HMGA2: variants seen among roughly 807,000 people sequenced by gnomAD.
The protein encoded by HMGA2 is high mobility group AT-hook 2, also known as high mobility group protein HMGI-C.
Under a neutral mutation model 19.1 loss-of-function variants are expected in HMGA2, and 8 were observed. The observed-to-expected ratio is 0.42, with a 90% CI of 0.25 to 0.76. The LOEUF (loss-of-function observed/expected upper bound fraction) is 0.76, where lower values mean the gene tolerates loss of function less well. HMGA2 is among the 30% of genes least tolerant of loss of function. HMGA2 has a pLI of 0.28. For missense variants in HMGA2, 109 were observed against 136.3 expected, an observed-to-expected ratio of 0.80 and a Z score of 1.00; for synonymous variants, 60 against 48.8, an observed-to-expected ratio of 1.23 and a Z score of -0.96.
chr12:65,926,234 T>C (rs1335033363), intron 3 of HMGA2, among the ~76,000 whole-genome samples: 2 of 152,304 alleles, frequency 1.3e-5, no homozygotes, highest in East Asian at 3.9e-4. Context: ...AGTGGAGTCT[T>C]GTGGTTGAGC....
chr12:65,929,157 C>T (rs1252854465), intron 3 of HMGA2, among the ~76,000 whole-genome samples: 1 of 152,060 alleles, frequency 6.6e-6, no homozygotes, highest in East Asian at 1.9e-4. Flanking sequence ...AAACTCCTTC[C>T]TACATAAATA....
At chr12:65,920,439 G>A (rs1332166025) in intron 3 of HMGA2, among the ~76,000 whole-genome samples, 3 of 152,252 alleles carry the variant, frequency 2.0e-5, no homozygotes, top group Admixed American at 6.5e-5. Flanking sequence ...TTTAGAATGC[G>A]TATTTTAGGT....
intron 3 of HMGA2, among the ~76,000 whole-genome samples, chr12:65,899,013 CAGCCTGGGCAACAGAGCG>C (rs1874256796): frequency 7.5e-6 from 1 of 133,510 alleles, no homozygotes; most frequent in South Asian, 2.3e-4. Flanking sequence ...CACGGCACTC[CAGCCTGGGCAACAGAGCG>C]AGACTCCGTC....
intron 3 of HMGA2, among the ~76,000 whole-genome samples, chr12:65,929,927 T>A (rs1447909844): frequency 6.6e-6 from 1 of 152,084 alleles, no homozygotes; most frequent in Non-Finnish European, 1.5e-5. Context: ...ATATTAAGTA[T>A]GGGATATGTG....
At chr12:65,905,893 T>A (rs757068988) in intron 3 of HMGA2, among the ~76,000 whole-genome samples, 12 of 152,136 alleles carry the variant, frequency 7.9e-5, no homozygotes, top group Non-Finnish European at 1.0e-4. Flanking sequence ...AAATATAGAG[T>A]CTCATTTAGA....
intron 3 of HMGA2, among the ~76,000 whole-genome samples, chr12:65,930,782 C>A (rs986934866): frequency 2.6e-5 from 4 of 152,036 alleles, no homozygotes; most frequent in African/African-American, 7.3e-5. Flanking sequence ...GCATCAAGGT[C>A]CTACATTTTA....
At chr12:65,903,069 T>A (rs1874439782) in intron 3 of HMGA2, among the ~76,000 whole-genome samples, 1 of 152,188 alleles carries the variant, frequency 6.6e-6, no homozygotes, top group Admixed American at 6.5e-5. Context: ...TTTGTTTGTT[T>A]GTTTTGGTTT....
At chr12:65,875,779 G>A (rs189711621) in intron 3 of HMGA2, among the ~76,000 whole-genome samples, 3 of 151,754 alleles carry the variant, frequency 2.0e-5, no homozygotes, top group Admixed American at 6.6e-5. Flanking sequence ...GTAGGCCTAC[G>A]TATGCCATTA....
intron 3 of HMGA2, among the ~76,000 whole-genome samples, chr12:65,855,458 T>TCACACACACACACA (rs3048829): frequency 7.8e-5 from 11 of 140,234 alleles, no homozygotes; most frequent in Admixed American, 2.8e-4. Flanking sequence ...TCTCTCTCTC[T>TCACACACACACACA]CACACACACA....
At chr12:65,959,176 G>C (rs1047294107) in intron 4 of HMGA2, among the ~76,000 whole-genome samples, 3 of 152,250 alleles carry the variant, frequency 2.0e-5, no homozygotes, top group Middle Eastern at 3.4e-3. Flanking sequence ...TTGGATATTG[G>C]GCTGTCTTCC....
intron 3 of HMGA2, among the ~76,000 whole-genome samples, chr12:65,907,750 G>A (rs1441626456): frequency 1.3e-5 from 2 of 152,160 alleles, no homozygotes; most frequent in African/African-American, 4.8e-5. Context: ...ATGTTTCTAG[G>A]TAACAATCCT....
rs1406613320 is a variant in HMGA2, at chr12:65,824,553, C to G, written c.-718C>G. The G allele has an allele frequency of 4.3e-6, 1 of 233,544 alleles. No homozygotes were observed. Among genetic ancestry groups the G allele is most frequent in the Non-Finnish European group, 8.4e-6 (1 of 118,464 alleles). The allele number at this position is 233,544 out of a possible 1,614,324, so 14.5% of individuals were successfully genotyped here. On this transcript the variant is annotated 5_prime_UTR_variant, in exon 1 of 5. Transcript: ENST00000403681. Reference sequence around the variant, plus strand: ...GAGCTAGCAGCCCGTCCCCCTCCGACTCTCCGGTGCCGCCGCTGCCTGCTC... The same window carrying G: ...GAGCTAGCAGCCCGTCCCCCTCCGAGTCTCCGGTGCCGCCGCTGCCTGCTC...
chr12:65,915,231 G>A lies in HMGA2; in HGVS notation c.250-36152G>A, dbSNP rs571865922. On this transcript the variant is annotated intron_variant, in intron 3 of 4. Transcript: ENST00000403681. ...CTTATGTGTGGCTTTCTCCGATATAGAAACCTATCAGGTGTCTTTTAGATC... is the reference window on the plus strand; with the variant it reads ...CTTATGTGTGGCTTTCTCCGATATAAAAACCTATCAGGTGTCTTTTAGATC... The A allele has an allele frequency of 5.0e-6, 8 of 1,585,008 alleles. No homozygotes were observed. In the Admixed American group the frequency reaches 7.0e-5, roughly 14 times the overall value.
chr12:65,827,489 A>G (rs951931024), intron 1 of HMGA2, among the ~76,000 whole-genome samples: 3 of 152,214 alleles, frequency 2.0e-5, no homozygotes, highest in Non-Finnish European at 4.4e-5. Flanking sequence ...TTCACTCAAA[A>G]TGTGTCAGTT....
chr12:65,825,588 A>C lies in HMGA2; in HGVS notation c.111+207A>C, dbSNP rs1193423322. Among the ~76,000 whole-genome samples the C allele has an allele frequency of 6.6e-6, 1 of 150,624 alleles. No individual in the cohort carries two copies. Among genetic ancestry groups the C allele is most frequent in the Non-Finnish European group, 1.5e-5 (1 of 67,594 alleles). On this transcript the variant is annotated intron_variant, in intron 1 of 4. Transcript: ENST00000403681. The surrounding 1 kb of genome is among the most constrained non-coding windows in gnomAD (Gnocchi z 4.4). ...CAACCCTCCGGGCGGGGAGGTGGGGAGCCGCGGCGGGCGGCCCGGGGAAGG... is the reference window on the plus strand; with the variant it reads ...CAACCCTCCGGGCGGGGAGGTGGGGCGCCGCGGCGGGCGGCCCGGGGAAGG...
intron 3 of HMGA2, among the ~76,000 whole-genome samples, chr12:65,917,490 G>A (rs1006708697): frequency 3.9e-5 from 6 of 152,186 alleles, no homozygotes; most frequent in East Asian, 3.9e-4. Context: ...TTGGTTTAAC[G>A]AATGAGGGAG....
intron 3 of HMGA2, chr12:65,842,332 T>A: frequency 1.6e-6 from 1 of 608,284 alleles, no homozygotes; most frequent in Non-Finnish European, 3.0e-6. Context: ...GGCACATAGG[T>A]AGTGCTCAGT....
At chr12:65,837,290 A>G (rs1362875121) in intron 2 of HMGA2, among the ~76,000 whole-genome samples, 1 of 152,142 alleles carries the variant, frequency 6.6e-6, no homozygotes, top group African/African-American at 2.4e-5. Flanking sequence ...GTTGTGGCTT[A>G]TTTTATCTCT....
intron 3 of HMGA2, among the ~76,000 whole-genome samples, chr12:65,862,286 C>CAT (rs1872136829): frequency 6.6e-6 from 1 of 150,528 alleles, no homozygotes; most frequent in Non-Finnish European, 1.5e-5. Flanking sequence ...TACACACACA[C>CAT]ACACACACAC....
Sources: allele counts gnomAD v4.1 joint callset (sites outside exome capture counted in the v4.1 genomes callset), GRCh38; gene constraint gnomAD v4.1.1; non-coding constraint Gnocchi (gnomAD v3.1); transcripts MANE v1.5; gene names NCBI Gene and HGNC (gene_info 2026-07-23, HGNC 2026-07-21).